ZMYM2: variants seen among roughly 807,000 people sequenced by gnomAD.
ZMYM2 encodes the protein zinc finger MYM-type protein 2.
In ZMYM2, 56 loss-of-function variants were observed where a neutral mutation model predicts 162.8. The ratio of observed to expected loss-of-function variants is 0.34; its 90% CI spans 0.28 to 0.43. The LOEUF (loss-of-function observed/expected upper bound fraction) is 0.43. Ranked by LOEUF, ZMYM2 falls within the 20% of genes least tolerant of loss-of-function variation. The pLI is 1.00. For synonymous variants in ZMYM2, 510 were observed against 541.6 expected, an observed-to-expected ratio of 0.94 and a Z score of 0.81; for missense variants, 1,275 against 1,621.8, an observed-to-expected ratio of 0.79 and a Z score of 3.67.
intron 7 of ZMYM2, among the ~76,000 whole-genome samples, chr13:20,020,482 C>T (rs1041780380): frequency 3.3e-5 from 5 of 152,190 alleles, no homozygotes; most frequent in African/African-American, 1.2e-4. Context: ...GCCTCGGCCT[C>T]CCAAGTGTTG....
chr13:19,878,296 G>A, the ZMYM2 span, among the ~76,000 whole-genome samples: 1 of 151,910 alleles, frequency 6.6e-6, no homozygotes, highest in East Asian at 2.0e-4. Flanking sequence ...CAAGTGATCT[G>A]CCTGCCTCAG....
chr13:19,935,292 C>T, the ZMYM2 span, among the ~76,000 whole-genome samples: 2 of 151,724 alleles, frequency 1.3e-5, no homozygotes, highest in Admixed American at 6.6e-5. Flanking sequence ...TGCCACCACA[C>T]CCAGATGATT....
chr13:19,981,754 T>C (rs554461172), intron 2 of ZMYM2, among the ~76,000 whole-genome samples: 1 of 152,354 alleles, frequency 6.6e-6, no homozygotes, highest in South Asian at 2.1e-4. Flanking sequence ...ATAGTTACTG[T>C]TTCTACCAAC....
chr13:19,949,058 T>G, the ZMYM2 span, among the ~76,000 whole-genome samples: 2 of 151,448 alleles, frequency 1.3e-5, no homozygotes, highest in Non-Finnish European at 2.9e-5. Flanking sequence ...TTGCTTGAGC[T>G]GAGTTCAAGA....
the ZMYM2 span, among the ~76,000 whole-genome samples, chr13:19,951,606 G>T: frequency 6.6e-6 from 1 of 151,566 alleles, no homozygotes; most frequent in African/African-American, 2.4e-5. Context: ...AGAGATTGAG[G>T]CAGGAGGATC....
Position 20,002,962 on chromosome 13 carries a change from A to G in ZMYM2, c.960A>G (p.Gln320=). Reference sequence around the variant, plus strand: ...AACAGATTTTCCAGCCGTCTGTCCAACAGCAGCCTACTAAACCAGTTAAAG... The same window carrying G: ...AACAGATTTTCCAGCCGTCTGTCCAGCAGCAGCCTACTAAACCAGTTAAAG... ...LPKQIFQPSV[Q]QQPTKPVKVT... Residue 320 remains glutamine (Q), a synonymous_variant, in exon 4 of 25, where the codon CAA becomes CAG. Coordinates refer to ENST00000610343, the MANE Select transcript of ZMYM2 (RefSeq NM_197968.4). 1.2e-6 allele frequency: 2 copies of G among 1,614,154 alleles called. No individual in the cohort carries two copies. Among genetic ancestry groups the G allele is most frequent in the African/African-American group, 1.3e-5 (1 of 75,032 alleles).
chr13:20,005,008 C>A, intron 4 of ZMYM2, 66 bp from the exon 5 acceptor site: 1 of 1,331,220 alleles, frequency 7.5e-7, no homozygotes. Flanking sequence ...TGAAAAATGT[C>A]ACTTATGACT....
Position 19,993,800 on chromosome 13 carries a change from C to T in ZMYM2, c.728C>T (p.Thr243Ile), listed in dbSNP as rs745874957. ...AGTAATTTTGGTGTTAATATACAAA[C>T]ATACACCCCATCTTTAACTTCACAG... ...QSSNFGVNIQ[T>I]YTPSLTSQTK... The change falls in exon 3 of 25, where the codon ACA becomes ATA. Residue 243 changes from threonine to isoleucine, a missense_variant. Coordinates refer to ENST00000610343, the MANE Select transcript of ZMYM2 (RefSeq NM_197968.4). 1 of 1,614,190 alleles carries T rather than the reference C, an allele frequency of 6.2e-7. No homozygotes were observed. Among genetic ancestry groups the T allele is most frequent in the Non-Finnish European group, 8.5e-7 (1 of 1,180,028 alleles).
the ZMYM2 span, among the ~76,000 whole-genome samples, chr13:19,873,991 C>T: frequency 6.6e-6 from 1 of 152,118 alleles, no homozygotes; most frequent in African/African-American, 2.4e-5. Flanking sequence ...TTCACCTTTC[C>T]AGGATCACTT....
chr13:19,988,651 C>T (rs1167845242), intron 2 of ZMYM2, among the ~76,000 whole-genome samples: 3 of 152,090 alleles, frequency 2.0e-5, no homozygotes, highest in Admixed American at 6.6e-5. Context: ...GGCGTGGTGG[C>T]GCATGCCTAT....
the ZMYM2 span, among the ~76,000 whole-genome samples, chr13:19,907,834 TAA>T: frequency 7.0e-6 from 1 of 143,660 alleles, no homozygotes; most frequent in African/African-American, 2.6e-5. Context: ...GAAAAAAAGG[TAA>T]AGTCTATTTT....
chr13:19,886,678 T>G, the ZMYM2 span, among the ~76,000 whole-genome samples: 32 of 151,832 alleles, frequency 2.1e-4, no homozygotes, highest in African/African-American at 6.1e-4. Context: ...AGACAGGGTC[T>G]CATTCTGTCA....
At chr13:19,881,759 G>A in the ZMYM2 span, among the ~76,000 whole-genome samples, 1 of 152,068 alleles carries the variant, frequency 6.6e-6, no homozygotes, top group African/African-American at 2.4e-5. Context: ...CGAGGCAGGT[G>A]GATCACTTTG....
chr13:19,901,765 G>A, the ZMYM2 span, among the ~76,000 whole-genome samples: 2 of 152,006 alleles, frequency 1.3e-5, no homozygotes, highest in Admixed American at 6.6e-5. Context: ...ATGAGCTACC[G>A]CGCCTGGCCC....
intron 6 of ZMYM2, among the ~76,000 whole-genome samples, chr13:20,017,615 C>CA (rs1951734659): frequency 6.8e-6 from 1 of 146,740 alleles, no homozygotes; most frequent in African/African-American, 2.5e-5. Flanking sequence ...ATGAATGTTA[C>CA]TTTTTTTTTT....
At chr13:20,066,756 A>G (rs1342351720) in intron 19 of ZMYM2, 95 bp from the exon 20 acceptor site, 7 of 1,262,722 alleles carry the variant, frequency 5.5e-6, no homozygotes, top group Admixed American at 3.3e-5. Flanking sequence ...TCAAGGGTCA[A>G]TTGTAATTTG....
At chr13:19,955,957 T>TAC (rs1031633766), upstream of ZMYM2, among the ~76,000 whole-genome samples, 52 of 152,202 alleles carry the variant, frequency 3.4e-4, no homozygotes, top group African/African-American at 8.7e-4. Flanking sequence ...AATAGATTAA[T>TAC]ACACACACAC....
At chr13:19,892,252 G>A in the ZMYM2 span, among the ~76,000 whole-genome samples, 1 of 151,140 alleles carries the variant, frequency 6.6e-6, no homozygotes, top group African/African-American at 2.4e-5. Context: ...CTTCATTAAT[G>A]ATTTATTTAT....
chr13:19,882,832 C>T, the ZMYM2 span, among the ~76,000 whole-genome samples: 1 of 152,156 alleles, frequency 6.6e-6, no homozygotes, highest in African/African-American at 2.4e-5. Flanking sequence ...GGAGCAACTA[C>T]TGTGGAAAAC....
Sources: allele counts gnomAD v4.1 joint callset (sites outside exome capture counted in the v4.1 genomes callset), GRCh38; gene constraint gnomAD v4.1.1; transcripts MANE v1.5; gene names NCBI Gene and HGNC (gene_info 2026-07-23, HGNC 2026-07-21).